Variants in ATXN1 observed in about 807,000 individuals in gnomAD.
ATXN1 encodes ataxin 1.
In ATXN1, 8 loss-of-function variants were observed where a neutral mutation model predicts 56.4. The observed-to-expected ratio is 0.14, with a 90% CI of 0.08 to 0.26. The LOEUF is 0.26. Ranked by LOEUF, ATXN1 falls within the 10% of genes least tolerant of loss-of-function variation. ATXN1 has a pLI of 1.00. For missense variants in ATXN1, 987 were observed against 1,106.5 expected, an observed-to-expected ratio of 0.89 and a Z score of 1.53; for synonymous variants, 514 against 494.6, an observed-to-expected ratio of 1.04 and a Z score of -0.52.
intron 6 of ATXN1, among the ~76,000 whole-genome samples, chr6:16,426,582 C>T (rs989926533): frequency 1.2e-4 from 17 of 146,908 alleles, no homozygotes; most frequent in Non-Finnish European, 2.1e-4. Context: ...GTGGTGGGGC[C>T]GAGTGTGTGT....
intron 4 of ATXN1, among the ~76,000 whole-genome samples, chr6:16,537,375 G>A (rs1169570448): frequency 2.6e-5 from 4 of 152,102 alleles, no homozygotes; most frequent in Non-Finnish European, 5.9e-5. Flanking sequence ...CTCACCCTCC[G>A]AGAAGGACTC....
At chr6:16,523,478 G>A (rs970749505) in intron 4 of ATXN1, among the ~76,000 whole-genome samples, 2 of 152,228 alleles carry the variant, frequency 1.3e-5, no homozygotes, top group African/African-American at 4.8e-5. Context: ...CCAAGTAGCT[G>A]GGACTACAGG....
chr6:16,628,018 CATTA>C (rs1425350077), intron 3 of ATXN1, among the ~76,000 whole-genome samples: 1 of 152,206 alleles, frequency 6.6e-6, no homozygotes, highest in Non-Finnish European at 1.5e-5. Flanking sequence ...TAGACACCTT[CATTA>C]ATTATTTTCT....
At chr6:16,580,317 C>G (rs151134478) in intron 4 of ATXN1, among the ~76,000 whole-genome samples, 205 of 152,318 alleles carry the variant, frequency 1.3e-3, no homozygotes, top group African/African-American at 3.6e-3. Context: ...TGCTTCATTT[C>G]ATTTGATAAC....
intron 2 of ATXN1, among the ~76,000 whole-genome samples, chr6:16,750,331 C>A (rs927525518): frequency 8.5e-5 from 13 of 152,240 alleles, no homozygotes; most frequent in African/African-American, 2.9e-4. Flanking sequence ...CATTTCTTTA[C>A]ATAAATAGTG....
chr6:16,365,868 A>G (rs1454879108), intron 6 of ATXN1, among the ~76,000 whole-genome samples: 1 of 152,200 alleles, frequency 6.6e-6, no homozygotes, highest in Non-Finnish European at 1.5e-5. Flanking sequence ...CTACATCTAT[A>G]TATTAATCAT....
rs1760253658 is a variant in ATXN1 at position 16,306,484 on chromosome 6, T to G, written c.2293A>C (p.Lys765Gln). 2 of 1,614,064 alleles carry G rather than the reference T, an allele frequency of 1.2e-6. No individual in the cohort carries two copies. The stretch of plus-strand genomic sequence containing the variant: ...CTCCTCTTCCTCGTTGCCGCGGGCT[T>G]GCTGGGTTCTATTTTGGTGAGGAAG... ...APFLTKIEPS[K>Q]PAATRKRRWS... Residue 765 changes from lysine to glutamine, a missense_variant, in exon 8 of 8, where the codon AAG (lysine) becomes CAG (glutamine). By Grantham distance (53) the Lys-to-Gln change is moderately conservative. Around this residue, in one of 3 missense-constraint regions of ATXN1, gnomAD observed 196 missense variants for 196.7 expected, o/e 1.00. Coordinates refer to ENST00000436367, the MANE Select transcript of ATXN1 (RefSeq NM_001128164.2). The surrounding 1 kb of genome is among the most constrained non-coding windows in gnomAD (Gnocchi z 5.2).
chr6:16,670,139 C>G (rs554836323), intron 2 of ATXN1, among the ~76,000 whole-genome samples: 196 of 152,316 alleles, frequency 1.3e-3, no homozygotes, highest in Non-Finnish European at 2.2e-3. Context: ...ACTCCTCTGC[C>G]TTCCCCCTTA....
chr6:16,598,003 T>TAC (rs933119504), intron 3 of ATXN1, among the ~76,000 whole-genome samples: 2 of 152,194 alleles, frequency 1.3e-5, no homozygotes, highest in African/African-American at 4.8e-5. Flanking sequence ...TTAATGTTCT[T>TAC]ACACACACAC....
At chr6:16,440,208 T>A (rs113021034) in intron 6 of ATXN1, among the ~76,000 whole-genome samples, 21,168 of 151,450 alleles carry the variant, frequency 0.14, 1,615 homozygotes, top group South Asian at 0.2. Flanking sequence ...CAAAACCCCA[T>A]CTCTACCAAA....
chr6:16,616,110 C>A (rs1763204307), intron 3 of ATXN1: 1 of 151,876 alleles, frequency 6.6e-6, no homozygotes, highest in Non-Finnish European at 1.5e-5. Flanking sequence ...TTTGGCATAC[C>A]ATCAGGATGC....
At chr6:16,690,026 T>C (rs1055107911) in intron 2 of ATXN1, among the ~76,000 whole-genome samples, 1 of 152,140 alleles carries the variant, frequency 6.6e-6, no homozygotes, top group Non-Finnish European at 1.5e-5. Context: ...TAGAGGAAGA[T>C]GAAACAAACC....
At chr6:16,403,082 G>A (rs1036470546) in intron 6 of ATXN1, among the ~76,000 whole-genome samples, 5 of 151,998 alleles carry the variant, frequency 3.3e-5, no homozygotes, top group Admixed American at 2.0e-4. Context: ...AGATGTGCAC[G>A]TGTATGTATG....
At chr6:16,626,775 G>A (rs571394931) in intron 3 of ATXN1, among the ~76,000 whole-genome samples, 1 of 152,174 alleles carries the variant, frequency 6.6e-6, no homozygotes, top group Non-Finnish European at 1.5e-5. Context: ...ACAAAATAAG[G>A]TCATATGAAA....
At chr6:16,711,179 GA>G (rs539134378) in intron 2 of ATXN1, among the ~76,000 whole-genome samples, 19 of 151,662 alleles carry the variant, frequency 1.3e-4, no homozygotes, top group African/African-American at 4.4e-4. Context: ...ATTTCATAAG[GA>G]AAAAAAATCA....
At chr6:16,484,174 T>C (rs992068537) in intron 6 of ATXN1, among the ~76,000 whole-genome samples, 5 of 152,216 alleles carry the variant, frequency 3.3e-5, no homozygotes, top group African/African-American at 1.2e-4. Flanking sequence ...GGCTCATGCC[T>C]GTAATCAAAA....
intron 6 of ATXN1, among the ~76,000 whole-genome samples, chr6:16,356,287 T>C (rs1761687220): frequency 6.6e-6 from 1 of 152,216 alleles, no homozygotes; most frequent in Admixed American, 6.5e-5. Context: ...GCTTATTCTA[T>C]GACTCAGAAG....
intron 6 of ATXN1, among the ~76,000 whole-genome samples, chr6:16,361,958 G>C (rs1189720211): frequency 1.8e-4 from 28 of 152,180 alleles, no homozygotes; most frequent in Admixed American, 1.8e-3. Context: ...GTGAAATTGG[G>C]GGACTCCTCA....
chr6:16,464,102 G>A (rs1760052990), intron 6 of ATXN1, among the ~76,000 whole-genome samples: 3 of 152,166 alleles, frequency 2.0e-5, no homozygotes, highest in African/African-American at 2.4e-5. Context: ...TTTAGAGGGG[G>A]GATTGAGAGG....
Sources: allele counts gnomAD v4.1 joint callset (sites outside exome capture counted in the v4.1 genomes callset), GRCh38; gene constraint gnomAD v4.1.1; regional missense constraint gnomAD v4.1.1; non-coding constraint Gnocchi (gnomAD v3.1); transcripts MANE v1.5; gene names NCBI Gene and HGNC (gene_info 2026-07-23, HGNC 2026-07-21).